CHRM3: variants seen among roughly 807,000 people sequenced by gnomAD.
CHRM3 encodes the protein muscarinic acetylcholine receptor M3.
A neutral mutation model predicts 41.8 loss-of-function variants in CHRM3; 11 were observed. The ratio of observed to expected loss-of-function variants is 0.26; its 90% CI spans 0.17 to 0.44. The LOEUF is 0.44. Among genes scored for constraint, CHRM3 ranks in the 20% least tolerant of loss-of-function variants. The probability of loss-of-function intolerance (pLI) is 1.00; values close to 1 mark genes in which losing one functional copy is unlikely to be tolerated. For synonymous variants in CHRM3, 297 were observed against 301.4 expected, an observed-to-expected ratio of 0.99 and a Z score of 0.15; for missense variants, 571 against 745.4, an observed-to-expected ratio of 0.77 and a Z score of 2.72.
chr1:239,675,991 T>G (rs1340268820), intron 4 of CHRM3, among the ~76,000 whole-genome samples: 3 of 152,194 alleles, frequency 2.0e-5, no homozygotes. Flanking sequence ...TCTCATTAAG[T>G]GTCAGAGAGA....
intron 3 of CHRM3, among the ~76,000 whole-genome samples, chr1:239,558,414 T>G (rs1660568538): frequency 6.6e-6 from 1 of 152,184 alleles, no homozygotes. Flanking sequence ...TCCAGACACA[T>G]TCTGAATGGG....
intron 5 of CHRM3, among the ~76,000 whole-genome samples, chr1:239,734,764 A>T (rs1056828803): frequency 6.6e-6 from 1 of 152,116 alleles, no homozygotes; most frequent in South Asian, 2.1e-4. Context: ...ACTGATGAGT[A>T]TGCAGGCAAA....
chr1:239,723,510 G>A (rs1663165078), intron 5 of CHRM3, among the ~76,000 whole-genome samples: 3 of 151,942 alleles, frequency 2.0e-5, no homozygotes, highest in Middle Eastern at 3.4e-3. Flanking sequence ...ATTCAATACT[G>A]AGACAAATGT....
At chr1:239,784,931 C>A (rs1668774086) in intron 5 of CHRM3, among the ~76,000 whole-genome samples, 1 of 152,184 alleles carries the variant, frequency 6.6e-6, no homozygotes, top group Non-Finnish European at 1.5e-5. Flanking sequence ...TTAGTTCTTT[C>A]ATTTCTTACA....
At chr1:239,774,737 A>G (rs1667960770) in intron 5 of CHRM3, among the ~76,000 whole-genome samples, 1 of 152,172 alleles carries the variant, frequency 6.6e-6, no homozygotes, top group Non-Finnish European at 1.5e-5. Flanking sequence ...TTTAGAAACA[A>G]TAATTATCTG....
chr1:239,692,730 G>C (rs1159587767), intron 5 of CHRM3, among the ~76,000 whole-genome samples: 1 of 152,140 alleles, frequency 6.6e-6, no homozygotes, highest in Non-Finnish European at 1.5e-5. Flanking sequence ...GATACCGTTT[G>C]TTCTTCCTGT....
intron 1 of CHRM3, among the ~76,000 whole-genome samples, chr1:239,465,836 C>T (rs1230226528): frequency 2.6e-5 from 4 of 152,030 alleles, no homozygotes; most frequent in African/African-American, 9.7e-5. Flanking sequence ...GTAAAAGTTA[C>T]ATCTCCCCTG....
Position 239,895,009 on chromosome 1 carries a change from C to G in CHRM3, c.-19-12424C>G, listed in dbSNP as rs1678877601. Among the ~76,000 whole-genome samples the G allele has an allele frequency of 3.9e-5, 6 of 152,270 alleles. No homozygotes were observed. The South Asian group carries it at 1.2e-3, about 32-fold the overall frequency. On this transcript the variant is annotated intron_variant, in intron 6 of 6. Coordinates refer to ENST00000676153, the MANE Select transcript of CHRM3 (RefSeq NM_001375978.1). Reference sequence around the variant, plus strand: ...CCCTGGAAGATAAATTCGAGGGCAGCAAAGAACAATTACAAAACAATTTCT... The same window carrying G: ...CCCTGGAAGATAAATTCGAGGGCAGGAAAGAACAATTACAAAACAATTTCT...
At chr1:239,664,400 C>T (rs909636180) in intron 4 of CHRM3, among the ~76,000 whole-genome samples, 3 of 152,208 alleles carry the variant, frequency 2.0e-5, no homozygotes, top group Non-Finnish European at 4.4e-5. Context: ...ATGAAAGTGA[C>T]AGGGCTTCCT....
At chr1:239,641,254 G>A (rs1284353523) in intron 4 of CHRM3, among the ~76,000 whole-genome samples, 1 of 151,980 alleles carries the variant, frequency 6.6e-6, no homozygotes. Flanking sequence ...GATTTGGGGT[G>A]GAGAGTTCTG....
At chr1:239,865,213 A>T (rs1675988733) in intron 6 of CHRM3, among the ~76,000 whole-genome samples, 2 of 152,234 alleles carry the variant, frequency 1.3e-5, no homozygotes, top group South Asian at 4.1e-4. Flanking sequence ...GAAAAGCAAG[A>T]TGGAGAACTA....
At chr1:239,559,505 A>G (rs1419244093) in intron 3 of CHRM3, among the ~76,000 whole-genome samples, 2 of 152,204 alleles carry the variant, frequency 1.3e-5, no homozygotes, top group African/African-American at 4.8e-5. Context: ...CACTACATCA[A>G]ACTTTAAACC....
At chr1:239,751,305 T>C (rs1665805379) in intron 5 of CHRM3, among the ~76,000 whole-genome samples, 1 of 151,248 alleles carries the variant, frequency 6.6e-6, no homozygotes, top group African/African-American at 2.4e-5. Context: ...ATATATGAAA[T>C]AACTTGATTA....
At chr1:239,439,609 G>A (rs1459817718) in intron 1 of CHRM3, among the ~76,000 whole-genome samples, 1 of 152,108 alleles carries the variant, frequency 6.6e-6, no homozygotes, top group African/African-American at 2.4e-5. Flanking sequence ...AATGGAGAAA[G>A]CAATCAACCA....
chr1:239,840,940 G>A (rs1319090007), intron 6 of CHRM3, among the ~76,000 whole-genome samples: 2 of 152,084 alleles, frequency 1.3e-5, no homozygotes, highest in African/African-American at 4.8e-5. Flanking sequence ...CTTGATTCAT[G>A]GTGCACGTGT....
At chr1:239,779,682 C>A (rs916472045) in intron 5 of CHRM3, among the ~76,000 whole-genome samples, 6 of 152,190 alleles carry the variant, frequency 3.9e-5, no homozygotes, top group African/African-American at 1.4e-4. Flanking sequence ...TTGCAGTAAG[C>A]TGAGATTGTG....
chr1:239,717,985 G>A (rs1662559345), intron 5 of CHRM3, among the ~76,000 whole-genome samples: 1 of 152,036 alleles, frequency 6.6e-6, no homozygotes. Context: ...TTTGTTTACT[G>A]ACAAGTAAAT....
Position 239,418,111 on chromosome 1 carries a change from G to A in CHRM3, c.-521+30884G>A, listed in dbSNP as rs117604343. 4.7e-3 allele frequency among the ~76,000 whole-genome samples: 718 copies of A among 152,294 alleles called. 11 individuals are homozygous for A. The East Asian group carries it at 0.063, about 13-fold the overall frequency. On this transcript the variant is annotated intron_variant, in intron 1 of 6. Coordinates refer to ENST00000676153, the MANE Select transcript of CHRM3 (RefSeq NM_001375978.1). The stretch of plus-strand genomic sequence containing the variant: ...GCTACATTCACTTGCCGCAGTAGCA[G>A]GGCAGCGGGCCAGGCAGATGTGCAG...
At chr1:239,571,660 T>C (rs1476364841) in intron 3 of CHRM3, among the ~76,000 whole-genome samples, 1 of 152,148 alleles carries the variant, frequency 6.6e-6, no homozygotes, top group Non-Finnish European at 1.5e-5. Context: ...TTGGTCCATC[T>C]TTTATTCTCA....
Sources: allele counts gnomAD v4.1 joint callset (sites outside exome capture counted in the v4.1 genomes callset), GRCh38; gene constraint gnomAD v4.1.1; transcripts MANE v1.5; gene names NCBI Gene and HGNC (gene_info 2026-07-23, HGNC 2026-07-21).